The following SIPA1 variants were observed in gnomAD, a reference collection of about 807,000 sequenced individuals.
SIPA1 encodes signal-induced proliferation-associated 1.
SIPA1 carries 51 observed loss-of-function variants against 88.1 expected under a neutral mutation model. The ratio of observed to expected loss-of-function variants is 0.58; its 90% confidence interval spans 0.46 to 0.73. The LOEUF (loss-of-function observed/expected upper bound fraction) is 0.73, where lower values mean the gene tolerates loss of function less well. SIPA1 is among the 30% of genes least tolerant of loss of function. The probability of loss-of-function intolerance (pLI) is 0.00; values close to 1 mark genes in which losing one functional copy is unlikely to be tolerated. For missense variants in SIPA1, 1,348 were observed against 1,467.6 expected (o/e 0.92, Z 1.33); for synonymous variants, 681 against 664.8 (o/e 1.02, Z -0.37).
rs1855986248 is a variant in SIPA1 at position 65,640,874 on chromosome 11, C to T, written c.-48C>T. 7.0e-6 allele frequency: 10 copies of T among 1,418,734 alleles called. No homozygotes were observed. The highest frequency in any genetic ancestry group is 1.5e-5 in the African/African-American group (1 of 68,784). The allele number at this position is 1,418,734 out of a possible 1,614,324, so 87.9% of individuals were successfully genotyped here. ...AACCTCAGGCTGGGCACCAAACACC[C>T]GTGCCCGCCAATGCGGCCCAGCCCC... is the stretch of plus-strand genomic sequence containing the variant. On this transcript the variant is annotated 5_prime_UTR_variant, in exon 2 of 16. Transcript: ENST00000534313.
chr11:65,646,017 C>T lies in SIPA1; in HGVS notation c.1263+60C>T, dbSNP rs1856105844. ...GGGAACCATGGAGGGCCCTGCATGG[C>T]CCATGACGTTTGAGCTTTGGCCGGA... On this transcript the variant is annotated intron_variant, in intron 6 of 15. Coordinates refer to ENST00000534313, the MANE Select transcript of SIPA1 (RefSeq NM_006747.4). This position sits in a 1 kb window ranked among gnomAD's most constrained non-coding sequence, Gnocchi z 7.5. The T allele has an allele frequency of 2.2e-6, 3 of 1,376,072 alleles. No individual in the cohort carries two copies. Among genetic ancestry groups the T allele is most frequent in the Middle Eastern group, 1.8e-4 (1 of 5,582 alleles). The allele number at this position is 1,376,072 out of a possible 1,614,324, so 85.2% of individuals were successfully genotyped here. A position where few individuals can be genotyped will look rare whatever the true frequency, so the allele number is the denominator to read the frequency against.
At chr11:65,638,917 A>C (rs1233973408) in intron 1 of SIPA1, among the ~76,000 whole-genome samples, 1 of 152,056 alleles carries the variant, frequency 6.6e-6, no homozygotes, top group African/African-American at 2.4e-5. Flanking sequence ...CGGGGCTTGC[A>C]CAGACCCCCT....
Position 65,647,439 on chromosome 11 carries a change from G to A in SIPA1, c.2087G>A (p.Gly696Asp). The A allele has an allele frequency of 6.8e-7, 1 of 1,481,118 alleles. No individual in the cohort carries two copies. Among genetic ancestry groups the A allele is most frequent in the Admixed American group, 2.3e-5 (1 of 42,844 alleles). The allele number at this position is 1,481,118 out of a possible 1,614,324, so 91.7% of individuals were successfully genotyped here. A position where few individuals can be genotyped will look rare whatever the true frequency, so the allele number is the denominator to read the frequency against. Residue 696 changes from glycine to aspartate, a missense_variant, in exon 9 of 16, where the codon GGC (glycine) becomes GAC (aspartate). Coordinates refer to ENST00000534313, the MANE Select transcript of SIPA1 (RefSeq NM_006747.4). ...CTGGCGCTGCCCCGCGACGGTCAAG[G>A]CCGCCTGGGCTTCGAGGTGGACGCC... ...RELALPRDGQ[G>D]RLGFEVDAEG...
At position 65,646,312 on chromosome 11, in the gene SIPA1, C is replaced by T. The variant is rs754716259; in HGVS notation, c.1355C>T (p.Ser452Leu). Residue 452 changes from serine to leucine, a missense_variant, in exon 7 of 16, where the codon TCG becomes TTG. Around this residue, in one of 4 missense-constraint regions of SIPA1, gnomAD observed 641 missense variants for 797.7 expected, o/e 0.80. Coordinates refer to ENST00000534313, the MANE Select transcript of SIPA1 (RefSeq NM_006747.4). This position sits in a 1 kb window ranked among gnomAD's most constrained non-coding sequence, Gnocchi z 7.5. ...CCCTTCTGCCCCACCACCATCCGCTCGCACTTCCAGCACGTGTTCCTAGTG... is the reference window on the plus strand; with the variant it reads ...CCCTTCTGCCCCACCACCATCCGCTTGCACTTCCAGCACGTGTTCCTAGTG... The part of the protein sequence containing the change: ...SKPFCPTTIR[S>L]HFQHVFLVVR... 5.6e-6 allele frequency: 9 copies of T among 1,613,970 alleles called. No individual in the cohort carries two copies. Among genetic ancestry groups the T allele is most frequent in the South Asian group, 1.1e-5 (1 of 91,088 alleles).
Position 65,649,302 on chromosome 11 carries a change from A to G in SIPA1, c.2347A>G (p.Ser783Gly). Residue 783 changes from serine (S) to glycine (G), a missense_variant, in exon 10 of 16, where the codon AGC (serine) becomes GGC (glycine). Physicochemically the swap from Ser to Gly is moderately conservative, Grantham distance 56. Around this residue, in one of 4 missense-constraint regions of SIPA1, gnomAD observed 615 missense variants for 559.8 expected, o/e 1.10. Coordinates refer to ENST00000534313, the MANE Select transcript of SIPA1 (RefSeq NM_006747.4). Reference sequence around the variant, plus strand: ...GTACACGCTGTCGCTGCAGGAGCCTAGCCGGCGGGGGGCCCCAGATCCTGT... The same window carrying G: ...GTACACGCTGTCGCTGCAGGAGCCTGGCCGGCGGGGGGCCCCAGATCCTGT... ...ELYTLSLQEP[S>G]RRGAPDPVQD... 1 of 1,554,526 alleles carries G rather than the reference A, an allele frequency of 6.4e-7. No individual in the cohort carries two copies. Among genetic ancestry groups the G allele is most frequent in the Non-Finnish European group, 8.7e-7 (1 of 1,148,472 alleles).
At position 65,642,467 on chromosome 11, in the gene SIPA1, G is replaced by C; in HGVS notation, c.812G>C (p.Arg271Pro). The C allele has an allele frequency of 6.2e-7, 1 of 1,611,518 alleles. No homozygotes were observed. The highest frequency in any genetic ancestry group is 1.1e-5 in the South Asian group (1 of 90,864). The change falls in exon 4 of 16, where the codon CGG becomes CCG. Residue 271 changes from arginine to proline, a missense_variant. Coordinates refer to ENST00000534313, the MANE Select transcript of SIPA1 (RefSeq NM_006747.4). The surrounding 1 kb of genome is among the most constrained non-coding windows in gnomAD (Gnocchi z 6.5). ...YRVIVRTTQL[R>P]TLRGTISEDA... ...GCCCTTACACCCCTTCCTCAGCTCC[G>C]GACACTCCGTGGCACCATCTCGGAG...
chr11:65,646,961 T>C lies in SIPA1; in HGVS notation c.1927T>C (p.Ser643Pro). Residue 643 changes from serine to proline, a missense_variant, in exon 8 of 16, where the codon TCC becomes CCC. This residue lies in a region of SIPA1 where 615 missense variants were observed against 559.8 expected (regional missense o/e 1.10). Transcript: ENST00000534313. The surrounding 1 kb of genome is among the most constrained non-coding windows in gnomAD (Gnocchi z 7.5). ...TCGCGACGTGCTGGCCTGGACCTTC[T>C]CCGAGCAGCAGCTGGACCTGTACCA... ...ACRDVLAWTFSEQQLDLYHGR... is the reference protein window; with the variant it reads ...ACRDVLAWTFPEQQLDLYHGR... 1 of 1,539,352 alleles carries C rather than the reference T, an allele frequency of 6.5e-7. No homozygotes were observed. Among genetic ancestry groups the C allele is most frequent in the Non-Finnish European group, 8.7e-7 (1 of 1,148,286 alleles).
intron 8 of SIPA1, 42 bp from the exon 9 acceptor site, chr11:65,647,342 A>C (rs945288954): frequency 7.3e-7 from 1 of 1,371,802 alleles, no homozygotes; most frequent in Non-Finnish European, 9.3e-7. Flanking sequence ...GGGCGGCCCC[A>C]CCTCCCGGCA....
Position 65,650,838 on chromosome 11 carries a change from G to A in SIPA1, c.*123G>A, listed in dbSNP as rs925938556. 20 of 1,116,044 alleles carry A rather than the reference G, an allele frequency of 1.8e-5. No individual in the cohort carries two copies. Among genetic ancestry groups the A allele is most frequent in the East Asian group, 7.9e-5 (3 of 37,980 alleles). 69.1% of individuals were successfully genotyped at this position (1,116,044 alleles called of 1,614,324 possible). ...CCTCCCTAGCCCCTTATTTGGTGGC[G>A]GAAGTGGCCTCCACCCCTTCCCTGT... is the stretch of plus-strand genomic sequence containing the variant. On this transcript the variant is annotated 3_prime_UTR_variant, in exon 16 of 16. Transcript: ENST00000534313.
At position 65,649,650 on chromosome 11, in the gene SIPA1, ACAGTGAGACACCCCTGACCCAGGTGAG is replaced by A. The variant is rs1316604316; in HGVS notation, c.2619_2637+8del. On this transcript the variant is annotated splice_donor_variant and splice_donor_5th_base_variant and coding_sequence_variant and intron_variant, in exon 11 of 16. Transcript: ENST00000534313. LOFTEE classifies it high-confidence loss of function. ...GCCAAGCCATCAGTACCCAGTGCTG[ACAGTGAGACACCCCTGACCCAGGTGAG>A]CAGAAACCAGGCTCTGGAGCCCAAC... 1 of 1,614,058 alleles carries A rather than the reference ACAGTGAGACACCCCTGACCCAGGTGAG, an allele frequency of 6.2e-7. No homozygotes were observed. Among genetic ancestry groups the A allele is most frequent in the South Asian group, 1.1e-5 (1 of 91,080 alleles).
chr11:65,646,105 G>A lies in SIPA1; in HGVS notation c.1264-116G>A. The A allele has an allele frequency of 7.3e-7, 1 of 1,374,544 alleles. No homozygotes were observed. Among genetic ancestry groups the A allele is most frequent in the Non-Finnish European group, 1.0e-6 (1 of 986,996 alleles). 85.1% of individuals were successfully genotyped at this position (1,374,544 alleles called of 1,614,324 possible). A position where few individuals can be genotyped will look rare whatever the true frequency, so the allele number is the denominator to read the frequency against. On this transcript the variant is annotated intron_variant, in intron 6 of 15. Coordinates refer to ENST00000534313, the MANE Select transcript of SIPA1 (RefSeq NM_006747.4). The surrounding 1 kb of genome is among the most constrained non-coding windows in gnomAD (Gnocchi z 7.5). ...CCTTCCCAAAGACAGAAACACCCTA[G>A]GTCTTCACCAGGGGCAGTGGGGGAG...
At chr11:65,649,182 C>T (rs1458694538) in intron 9 of SIPA1, 80 bp from the exon 10 acceptor site, 9 of 1,039,494 alleles carry the variant, frequency 8.7e-6, no homozygotes, top group Non-Finnish European at 9.7e-6. Context: ...GGAAGTGAGC[C>T]TGGCGGGCTG....
rs1470431348 is a variant in SIPA1, at chr11:65,650,423, GAGA to G, written c.2929_2931del (p.Lys977del). ...CAGGCCAGAGCCTGGGAACCTCTCA[GAGA>G]AGGTCTCTCACTTGGAGTCCATGCT... is the stretch of plus-strand genomic sequence containing the variant. On this transcript the variant is annotated inframe_deletion, in exon 15 of 16. Coordinates refer to ENST00000534313, the MANE Select transcript of SIPA1 (RefSeq NM_006747.4). 1 of 1,614,108 alleles carries G rather than the reference GAGA, an allele frequency of 6.2e-7. No individual in the cohort carries two copies. Among genetic ancestry groups the G allele is most frequent in the South Asian group, 1.1e-5 (1 of 91,080 alleles).
Position 65,646,011 on chromosome 11 carries a change from G to C in SIPA1, c.1263+54G>C, listed in dbSNP as rs566198195. ...GCTTCCGGGAACCATGGAGGGCCCTGCATGGCCCATGACGTTTGAGCTTTG... is the reference window on the plus strand; with the variant it reads ...GCTTCCGGGAACCATGGAGGGCCCTCCATGGCCCATGACGTTTGAGCTTTG... On this transcript the variant is annotated intron_variant, in intron 6 of 15. Transcript: ENST00000534313. The surrounding 1 kb of genome is among the most constrained non-coding windows in gnomAD (Gnocchi z 7.5). 2.1e-6 allele frequency: 3 copies of C among 1,403,098 alleles called. No individual in the cohort carries two copies. Among genetic ancestry groups the C allele is most frequent in the African/African-American group, 1.4e-5 (1 of 70,446 alleles). 86.9% of individuals were successfully genotyped at this position (1,403,098 alleles called of 1,614,324 possible).
In SIPA1 at chr11:65,646,732, G is replaced by A. The variant is rs748452567; in HGVS notation, c.1698G>A (p.Ala566=). ...GLPSLGGRRR[A]APRGPGAELQ... ...CCTCCCTGGGTGGGAGGCGCCGGGC[G>A]GCCCCTCGGGGCCCAGGCGCCGAGC... The change falls in exon 8 of 16, where the codon GCG becomes GCA. Residue 566 remains alanine (A), a synonymous_variant. Coordinates refer to ENST00000534313, the MANE Select transcript of SIPA1 (RefSeq NM_006747.4). This position sits in a 1 kb window ranked among gnomAD's most constrained non-coding sequence, Gnocchi z 7.5. 4.6e-6 allele frequency: 7 copies of A among 1,523,944 alleles called. No homozygotes were observed. The highest frequency in any genetic ancestry group is 4.9e-5 in the East Asian group (2 of 40,524). The allele number at this position is 1,523,944 out of a possible 1,614,324, so 94.4% of individuals were successfully genotyped here. A position where few individuals can be genotyped will look rare whatever the true frequency, so the allele number is the denominator to read the frequency against.
chr11:65,650,356 G>A (rs372546412), intron 14 of SIPA1, 45 bp from the exon 15 acceptor site: 122 of 1,597,298 alleles, frequency 7.6e-5, no homozygotes, highest in Non-Finnish European at 9.7e-5. Flanking sequence ...CTGGTGCACT[G>A]CCCCCTGCCT....
intron 13 of SIPA1, 25 bp downstream of exon 13, chr11:65,650,076 A>G: frequency 1.2e-6 from 2 of 1,612,380 alleles, no homozygotes; most frequent in African/African-American, 1.3e-5. Context: ...GTGCTGCGGT[A>G]AGCCTGGGCA....
rs1267916669 is a variant in SIPA1 at position 65,649,549 on chromosome 11, T to C, written c.2526-12T>C. The C allele has an allele frequency of 1.9e-6, 3 of 1,614,080 alleles. No homozygotes were observed. Among genetic ancestry groups the C allele is most frequent in the Non-Finnish European group, 2.5e-6 (3 of 1,179,986 alleles). On this transcript the variant is annotated splice_polypyrimidine_tract_variant and intron_variant, in intron 10 of 15. Transcript: ENST00000534313. ...GCGGCTTCCCTTTCTGAGCCACCCC[T>C]GCTCTCCCCAGCTCTCTGTCGGATG... is the stretch of plus-strand genomic sequence containing the variant.
rs776956940 is a variant in SIPA1, at chr11:65,642,342, C to G, written c.772C>G (p.Leu258Val). ...EEKEGSGGGTLHSYRVIVRTT... is the reference protein window; with the variant it reads ...EEKEGSGGGTVHSYRVIVRTT... ...GAAGGAGGGCAGCGGAGGGGGCACC[C>G]TGCACAGCTACCGCGTCATCGTGCG... The change falls in exon 3 of 16, where the codon CTG becomes GTG. Residue 258 changes from leucine (L) to valine (V), a missense_variant. This residue lies in a region of SIPA1 where 641 missense variants were observed against 797.7 expected (regional missense o/e 0.80). Transcript: ENST00000534313. The surrounding 1 kb of genome is among the most constrained non-coding windows in gnomAD (Gnocchi z 6.5). The G allele has an allele frequency of 7.0e-6, 11 of 1,563,996 alleles. No individual in the cohort carries two copies. In the Admixed American group the frequency reaches 2.2e-4, roughly 31 times the overall value.
Sources: gnomAD v4.1 joint callset for allele counts (sites outside exome capture counted in the v4.1 genomes callset) on GRCh38, gnomAD v4.1.1 for gene constraint, gnomAD v4.1.1 regional missense constraint, Gnocchi (gnomAD v3.1) non-coding constraint, MANE v1.5 for transcripts, NCBI Gene and HGNC (gene_info 2026-07-23, HGNC 2026-07-21) for gene names.